The following MLEC variants were observed in gnomAD, a reference collection of about 807,000 sequenced individuals.
The protein encoded by MLEC is malectin.
A neutral mutation model predicts 28.7 loss-of-function variants in MLEC; 7 were observed. That is an observed-to-expected ratio of 0.24 (90% CI 0.14 to 0.46). The LOEUF (loss-of-function observed/expected upper bound fraction) is 0.46, where lower values mean the gene tolerates loss of function less well. MLEC is among the 20% of genes least tolerant of loss of function. The probability of loss-of-function intolerance (pLI) is 0.99; values close to 1 mark genes in which losing one functional copy is unlikely to be tolerated. For missense variants in MLEC, 237 were observed against 391.1 expected (o/e 0.61, Z 3.32); for synonymous variants, 142 against 164.4 (o/e 0.86, Z 1.04).
chr12:120,694,835 A>G lies in MLEC; in HGVS notation c.426A>G (p.Val142=). 6.2e-7 allele frequency: 1 copy of G among 1,612,310 alleles called. No homozygotes were observed. The highest frequency in any genetic ancestry group is 8.5e-7 in the Non-Finnish European group (1 of 1,178,836). The stretch of plus-strand genomic sequence containing the variant: ...TCTTATCCTGGAAGGTATTTGATGT[A>G]CGATTGAATGGCCACGTCGTGGTGA... ...FAQSQQKVFD[V]RLNGHVVVKD... Residue 142 remains valine (V), a synonymous_variant, in exon 3 of 5, where the codon GTA becomes GTG. Coordinates refer to ENST00000228506, the MANE Select transcript of MLEC (RefSeq NM_014730.4). The surrounding 1 kb of genome is among the most constrained non-coding windows in gnomAD (Gnocchi z 4.5).
intron 1 of MLEC, among the ~76,000 whole-genome samples, chr12:120,688,928 C>T (rs367685007): frequency 3.3e-5 from 5 of 152,354 alleles, no homozygotes; most frequent in African/African-American, 1.2e-4. Context: ...ATTACTATCT[C>T]TATCCTGGAC....
intron 1 of MLEC, among the ~76,000 whole-genome samples, chr12:120,691,508 A>C (rs1298396358): frequency 2.6e-5 from 4 of 152,286 alleles, no homozygotes; most frequent in Admixed American, 6.5e-5. Flanking sequence ...GACATAATGT[A>C]GGCCCTTCGG....
intron 1 of MLEC, among the ~76,000 whole-genome samples, chr12:120,688,057 ATG>A (rs1881895833): frequency 6.6e-6 from 1 of 152,140 alleles, no homozygotes; most frequent in African/African-American, 2.4e-5. Flanking sequence ...AGCGAAGAAT[ATG>A]TGTGCTTAAA....
In MLEC at chr12:120,696,538, G is replaced by A. The variant is rs200700630; in HGVS notation, c.872G>A (p.Arg291Gln). The A allele has an allele frequency of 2.5e-6, 4 of 1,614,140 alleles. No homozygotes were observed. The highest frequency in any genetic ancestry group is 1.3e-5 in the African/African-American group (1 of 75,024). ...ATTCCAACCCTCTTCTGCCTCTGCC[G>A]GTTGTGAGAACAAATGACTATCCTG... The part of the protein sequence containing the change: ...VFIPTLFCLC[R>Q]L Residue 291 changes from arginine to glutamine, a missense_variant, in exon 5 of 5, where the codon CGG becomes CAG. Transcript: ENST00000228506. This position sits in a 1 kb window ranked among gnomAD's most constrained non-coding sequence, Gnocchi z 5.4.
chr12:120,694,278 T>C lies in MLEC; in HGVS notation c.414+9T>C. ...CACAGTCCCAGCAAAAGGTGAGGCCTAGTCAGGCTGCTGCTTGACCAGTAG... is the reference window on the plus strand; with the variant it reads ...CACAGTCCCAGCAAAAGGTGAGGCCCAGTCAGGCTGCTGCTTGACCAGTAG... On this transcript the variant is annotated intron_variant, in intron 2 of 4. Coordinates refer to ENST00000228506, the MANE Select transcript of MLEC (RefSeq NM_014730.4). This position sits in a 1 kb window ranked among gnomAD's most constrained non-coding sequence, Gnocchi z 4.5. 6.2e-7 allele frequency: 1 copy of C among 1,612,646 alleles called. No individual in the cohort carries two copies. The highest frequency in any genetic ancestry group is 1.1e-5 in the South Asian group (1 of 90,960).
Position 120,687,375 on chromosome 12 carries a change from CG to C in MLEC, c.83del (p.Gly28AspfsTer57). On this transcript the variant is annotated frameshift_variant, in exon 1 of 5. Transcript: ENST00000228506. LOFTEE classifies it high-confidence loss of function. The surrounding 1 kb of genome is among the most constrained non-coding windows in gnomAD (Gnocchi z 8.1). ...LLLLLLPPAI[R>X]GPGLGVAGVA... ...GCTGCTGCTGCTGCCGCCGGCGATC[CG>C]GGGACCCGGGCTCGGCGTGGCCGGC... 4 of 1,370,364 alleles carry C rather than the reference CG, an allele frequency of 2.9e-6. No homozygotes were observed. The highest frequency in any genetic ancestry group is 1.9e-5 in the South Asian group (1 of 51,476). 84.9% of individuals were successfully genotyped at this position (1,370,364 alleles called of 1,614,324 possible).
chr12:120,693,976 T>C (rs2137418145), intron 1 of MLEC, 115 bp from the exon 2 acceptor site: 4 of 980,840 alleles, frequency 4.1e-6, no homozygotes, highest in Non-Finnish European at 5.9e-6. Context: ...GGGTGGCCCC[T>C]TTTATGGAGA....
At chr12:120,695,311 C>T (rs1398587452) in intron 4 of MLEC, among the ~76,000 whole-genome samples, 159 bp downstream of exon 4, 1 of 152,222 alleles carries the variant, frequency 6.6e-6, no homozygotes, top group Non-Finnish European at 1.5e-5. Flanking sequence ...TAACATGGTA[C>T]TAGCCACAAG....
rs1276177458 is a variant in MLEC at position 120,694,422 on chromosome 12, T to TG, written c.414+154dup. 1.3e-5 allele frequency among the ~76,000 whole-genome samples: 2 copies of TG among 152,188 alleles called. No individual in the cohort carries two copies. The highest frequency in any genetic ancestry group is 3.8e-4 in the East Asian group (2 of 5,198). On this transcript the variant is annotated intron_variant, in intron 2 of 4. Coordinates refer to ENST00000228506, the MANE Select transcript of MLEC (RefSeq NM_014730.4). This position sits in a 1 kb window ranked among gnomAD's most constrained non-coding sequence, Gnocchi z 4.5. Reference sequence around the variant, plus strand: ...GTTCCATAGTGCACAAGGCTGCACTTGCCTTGGGGGTGAGTGACAGAAAGC... The same window carrying TG: ...GTTCCATAGTGCACAAGGCTGCACTTGGCCTTGGGGGTGAGTGACAGAAAGC...
intron 1 of MLEC, among the ~76,000 whole-genome samples, chr12:120,691,935 A>T (rs1333573851): frequency 6.6e-6 from 1 of 152,066 alleles, no homozygotes; most frequent in Non-Finnish European, 1.5e-5. Context: ...CGATGCGGGC[A>T]GATCACCTGA....
At position 120,700,361 on chromosome 12, in the gene MLEC, GC is replaced by G. The variant is rs760880699; in HGVS notation, c.*3817del. 1.3e-5 allele frequency: 2 copies of G among 152,670 alleles called. No individual in the cohort carries two copies. The highest frequency in any genetic ancestry group is 2.9e-5 in the Non-Finnish European group (2 of 68,080). 9.5% of individuals were successfully genotyped at this position (152,670 alleles called of 1,614,324 possible). ...TGGGGATCCTTAGTGGCATCAAATG[GC>G]AACATGGAATATTGTCCTCCATGCC... On this transcript the variant is annotated 3_prime_UTR_variant, in exon 5 of 5. Coordinates refer to ENST00000228506, the MANE Select transcript of MLEC (RefSeq NM_014730.4). This position sits in a 1 kb window ranked among gnomAD's most constrained non-coding sequence, Gnocchi z 4.0.
Position 120,687,573 on chromosome 12 carries a change from G to C in MLEC, c.235+42G>C. On this transcript the variant is annotated intron_variant, in intron 1 of 4. Transcript: ENST00000228506. This position sits in a 1 kb window ranked among gnomAD's most constrained non-coding sequence, Gnocchi z 8.1. ...CGAGCCGCGGGATCCAGGGCCTGCTGTGCTGGGCGCAGCCGGCCGGGGGCT... is the reference window on the plus strand; with the variant it reads ...CGAGCCGCGGGATCCAGGGCCTGCTCTGCTGGGCGCAGCCGGCCGGGGGCT... The C allele has an allele frequency of 7.0e-7, 1 of 1,429,828 alleles. No homozygotes were observed. The highest frequency in any genetic ancestry group is 9.2e-7 in the Non-Finnish European group (1 of 1,082,084). The allele number at this position is 1,429,828 out of a possible 1,614,324, so 88.6% of individuals were successfully genotyped here. A position where few individuals can be genotyped will look rare whatever the true frequency, so the allele number is the denominator to read the frequency against.
At chr12:120,693,836 A>G (rs1364776412) in intron 1 of MLEC, among the ~76,000 whole-genome samples, 1 of 152,208 alleles carries the variant, frequency 6.6e-6, no homozygotes, top group Non-Finnish European at 1.5e-5. Context: ...GCTTTTAGAA[A>G]GTTCCGCTCT....
At position 120,692,704 on chromosome 12, in the gene MLEC, C is replaced by T. The variant is rs896737124; in HGVS notation, c.236-1387C>T. ...GCCTTCTCCCAAAGGATCTAGTTGCCAGATGTCTTCAGGGTCACCACGTGA... is the reference window on the plus strand; with the variant it reads ...GCCTTCTCCCAAAGGATCTAGTTGCTAGATGTCTTCAGGGTCACCACGTGA... On this transcript the variant is annotated intron_variant, in intron 1 of 4. Transcript: ENST00000228506. Among the ~76,000 whole-genome samples, 3 of 149,628 alleles carry T rather than the reference C, an allele frequency of 2.0e-5. No homozygotes were observed. The Admixed American group carries it at 2.0e-4, about 10-fold the overall frequency.
At chr12:120,692,018 GGC>G (rs1276399920) in intron 1 of MLEC, among the ~76,000 whole-genome samples, 2 of 152,126 alleles carry the variant, frequency 1.3e-5, no homozygotes, top group Non-Finnish European at 2.9e-5. Context: ...AAATTAGCCG[GGC>G]GTGGTGATGC....
In MLEC at chr12:120,696,167, G is replaced by T. The variant is rs549906723; in HGVS notation, c.650-149G>T. 2.1e-5 allele frequency: 21 copies of T among 977,534 alleles called. No individual in the cohort carries two copies. In the South Asian group the frequency reaches 3.3e-4, roughly 15 times the overall value. The allele number at this position is 977,534 out of a possible 1,614,324, so 60.6% of individuals were successfully genotyped here. On this transcript the variant is annotated intron_variant, in intron 4 of 4. Transcript: ENST00000228506. The surrounding 1 kb of genome is among the most constrained non-coding windows in gnomAD (Gnocchi z 5.4). ...TTTTGCAGCACTCTGCTGTTCTGTA[G>T]ACCAGAGGCTATTTCTGCTACTTCT...
At chr12:120,693,126 G>T (rs539931247) in intron 1 of MLEC, among the ~76,000 whole-genome samples, 21 of 152,354 alleles carry the variant, frequency 1.4e-4, no homozygotes, top group Admixed American at 8.5e-4. Flanking sequence ...ATACTGACCC[G>T]AGGTAAGTAA....
At chr12:120,695,860 GACCTGT>G (rs1271599427) in intron 4 of MLEC, among the ~76,000 whole-genome samples, 1 of 152,186 alleles carries the variant, frequency 6.6e-6, no homozygotes, top group Non-Finnish European at 1.5e-5. Context: ...CCACCAAACA[GACCTGT>G]GTTCAAGTCC....
In MLEC at chr12:120,687,418, G is replaced by T. The variant is rs529431870; in HGVS notation, c.122G>T (p.Gly41Val). 7.2e-7 allele frequency: 1 copy of T among 1,397,230 alleles called. No homozygotes were observed. The highest frequency in any genetic ancestry group is 3.0e-5 in the Admixed American group (1 of 32,812). 86.6% of individuals were successfully genotyped at this position (1,397,230 alleles called of 1,614,324 possible). The change falls in exon 1 of 5, where the codon GGG becomes GTG. Residue 41 changes from glycine to valine, a missense_variant. Coordinates refer to ENST00000228506, the MANE Select transcript of MLEC (RefSeq NM_014730.4). This position sits in a 1 kb window ranked among gnomAD's most constrained non-coding sequence, Gnocchi z 8.1. The part of the protein sequence containing the change: ...LGVAGVAGAA[G>V]AGLPESVIWA... ...GTGGCCGGCGTGGCCGGCGCGGCGG[G>T]GGCCGGGCTGCCCGAGAGCGTCATT...
Sources: gnomAD v4.1 joint callset for allele counts (sites outside exome capture counted in the v4.1 genomes callset) on GRCh38, gnomAD v4.1.1 for gene constraint, Gnocchi (gnomAD v3.1) non-coding constraint, MANE v1.5 for transcripts, NCBI Gene and HGNC (gene_info 2026-07-23, HGNC 2026-07-21) for gene names.